The following ARHGAP44 variants were observed in gnomAD, a reference collection of about 807,000 sequenced individuals.
ARHGAP44 encodes Rho GTPase activating protein 44.
In ARHGAP44, 43 loss-of-function variants were observed where a neutral mutation model predicts 106.8. The ratio of observed to expected loss-of-function variants is 0.40; its 90% CI spans 0.32 to 0.52. The LOEUF (loss-of-function observed/expected upper bound fraction) is 0.52. ARHGAP44 is among the 20% of genes least tolerant of loss of function. The pLI is 0.48. For synonymous variants in ARHGAP44, 439 were observed against 410.3 expected, an observed-to-expected ratio of 1.07 and a Z score of -0.85; for missense variants, 866 against 1,050.5, an observed-to-expected ratio of 0.82 and a Z score of 2.43.
intron 6 of ARHGAP44, among the ~76,000 whole-genome samples, chr17:12,922,195 G>A (rs771964289): frequency 3.3e-5 from 5 of 152,286 alleles, no homozygotes; most frequent in Non-Finnish European, 7.3e-5. Context: ...AGAGCCTGTT[G>A]ACTGTGGAAG....
intron 1 of ARHGAP44, among the ~76,000 whole-genome samples, chr17:12,889,083 A>G (rs1481124661): frequency 1.3e-5 from 2 of 152,348 alleles, no homozygotes; most frequent in South Asian, 2.1e-4. Flanking sequence ...AATTATAGAC[A>G]TGTTAAACAT....
At chr17:12,940,192 T>C (rs1034335606) in intron 7 of ARHGAP44, among the ~76,000 whole-genome samples, 1 of 151,572 alleles carries the variant, frequency 6.6e-6, no homozygotes, top group Non-Finnish European at 1.5e-5. Flanking sequence ...TCTCCTCAAC[T>C]GAGTGCCTCT....
At chr17:12,891,221 A>T (rs2037035444) in intron 1 of ARHGAP44, among the ~76,000 whole-genome samples, 1 of 152,170 alleles carries the variant, frequency 6.6e-6, no homozygotes. Flanking sequence ...TCCACTATCC[A>T]GTTCCAAAGC....
intron 1 of ARHGAP44, among the ~76,000 whole-genome samples, chr17:12,846,759 C>G (rs1221075063): frequency 2.0e-5 from 3 of 152,198 alleles, no homozygotes; most frequent in African/African-American, 4.8e-5. Context: ...GAATGAAAAA[C>G]AGGACCACAG....
At chr17:12,886,278 C>T (rs2036879981) in intron 1 of ARHGAP44, among the ~76,000 whole-genome samples, 1 of 152,000 alleles carries the variant, frequency 6.6e-6, no homozygotes, top group African/African-American at 2.4e-5. Context: ...CATGTGAGTC[C>T]TGCTTTTCTT....
chr17:12,946,475 C>G (rs2038853719), intron 10 of ARHGAP44, among the ~76,000 whole-genome samples: 1 of 93,436 alleles, frequency 1.1e-5, no homozygotes, highest in Non-Finnish European at 2.0e-5. Flanking sequence ...GTGAGATGCT[C>G]TCTAAAAAAA....
At chr17:12,982,948 C>A (rs563208178) in intron 19 of ARHGAP44, 4 of 152,210 alleles carry the variant, frequency 2.6e-5, no homozygotes, top group African/African-American at 9.7e-5. Context: ...TTAGGACTTA[C>A]AAGATAATTC....
chr17:12,962,094 T>C (rs2039277757), intron 16 of ARHGAP44, among the ~76,000 whole-genome samples: 1 of 151,560 alleles, frequency 6.6e-6, no homozygotes, highest in South Asian at 2.1e-4. Context: ...TATATATATA[T>C]GAATTATATA....
intron 17 of ARHGAP44, 157 bp from the exon 18 acceptor site, chr17:12,973,931 TG>T: frequency 1.3e-6 from 1 of 789,142 alleles, no homozygotes; most frequent in Non-Finnish European, 2.1e-6. Context: ...GCCAGGGTGC[TG>T]GGAGCACAGC....
At chr17:12,832,020 C>T (rs1159565230) in intron 1 of ARHGAP44, among the ~76,000 whole-genome samples, 4 of 152,142 alleles carry the variant, frequency 2.6e-5, no homozygotes, top group African/African-American at 9.7e-5. Context: ...CAGAAGAGTG[C>T]TCTGATTGTA....
intron 13 of ARHGAP44, among the ~76,000 whole-genome samples, chr17:12,953,055 G>A (rs2039037227): frequency 6.6e-6 from 1 of 152,140 alleles, no homozygotes; most frequent in African/African-American, 2.4e-5. Flanking sequence ...AAGATATTGG[G>A]GATTTGTGGT....
chr17:12,989,167 G>A (rs2040045458), intron 20 of ARHGAP44, among the ~76,000 whole-genome samples: 1 of 148,712 alleles, frequency 6.7e-6, no homozygotes, highest in Admixed American at 6.8e-5. Flanking sequence ...GAGAGTAAAG[G>A]ACCCAGGGGA....
intron 1 of ARHGAP44, among the ~76,000 whole-genome samples, chr17:12,881,534 C>T (rs920165455): frequency 1.3e-4 from 20 of 151,924 alleles, no homozygotes; most frequent in African/African-American, 4.6e-4. Context: ...TTTCAGTGAC[C>T]GATGCAAACA....
chr17:12,827,088 T>A (rs1204213889), intron 1 of ARHGAP44, among the ~76,000 whole-genome samples: 1 of 152,224 alleles, frequency 6.6e-6, no homozygotes, highest in Non-Finnish European at 1.5e-5. Flanking sequence ...TTAATTTTAC[T>A]TCTCAGGCCA....
intron 1 of ARHGAP44, among the ~76,000 whole-genome samples, chr17:12,847,577 G>A (rs1332241076): frequency 6.8e-6 from 1 of 147,156 alleles, no homozygotes; most frequent in Non-Finnish European, 1.5e-5. Flanking sequence ...GCAGTGGTGC[G>A]ATCTCGGCTC....
intron 6 of ARHGAP44, among the ~76,000 whole-genome samples, chr17:12,923,756 CT>C (rs2038154489): frequency 6.6e-6 from 1 of 152,160 alleles, no homozygotes; most frequent in Non-Finnish European, 1.5e-5. Context: ...CTTGTAGGAC[CT>C]TGCCAAAAGC....
chr17:12,898,449 T>C (rs1310523832), intron 3 of ARHGAP44, among the ~76,000 whole-genome samples: 4 of 152,068 alleles, frequency 2.6e-5, no homozygotes, highest in Admixed American at 6.6e-5. Flanking sequence ...ATACAGAAAA[T>C]AAAACACATG....
chr17:12,828,622 A>ATT (rs201560442), intron 1 of ARHGAP44, among the ~76,000 whole-genome samples: 1 of 115,862 alleles, frequency 8.6e-6, no homozygotes, highest in Admixed American at 8.4e-5. Flanking sequence ...TTTCTTTTGG[A>ATT]TTTTTTTTTC....
chr17:12,841,637 C>CAAAAAAAAAAAA (rs140882682), intron 1 of ARHGAP44, among the ~76,000 whole-genome samples: 32 of 101,696 alleles, frequency 3.1e-4, no homozygotes, highest in African/African-American at 1.2e-3. Flanking sequence ...CACACACACA[C>CAAAAAAAAAAAA]ACAAACAAAC....
Sources: allele counts gnomAD v4.1 joint callset (sites outside exome capture counted in the v4.1 genomes callset), GRCh38; gene constraint gnomAD v4.1.1; transcripts MANE v1.5; gene names NCBI Gene and HGNC (gene_info 2026-07-23, HGNC 2026-07-21).